The following ARSB variants were observed in gnomAD, a reference collection of about 807,000 sequenced individuals.
ARSB encodes N-acetylgalactosamine-4-sulfatase.
A neutral mutation model predicts 50.9 loss-of-function variants in ARSB; 41 were observed. That is an observed-to-expected ratio of 0.81 (90% CI 0.63 to 1.04). The LOEUF (loss-of-function observed/expected upper bound fraction) is 1.04, where lower values mean the gene tolerates loss of function less well. Among genes scored for constraint, ARSB ranks in the 50% least tolerant of loss-of-function variants. The pLI is 0.00. For synonymous variants in ARSB, 269 were observed against 284.8 expected, an observed-to-expected ratio of 0.94 and a Z score of 0.56; for missense variants, 672 against 693.3, an observed-to-expected ratio of 0.97 and a Z score of 0.35.
Position 78,985,115 on chromosome 5 carries a change from G to C in ARSB, c.134C>G (p.Pro45Arg). 6.7e-7 allele frequency: 1 copy of C among 1,498,450 alleles called. No homozygotes were observed. Among genetic ancestry groups the C allele is most frequent in the Non-Finnish European group, 8.9e-7 (1 of 1,121,926 alleles). 92.8% of individuals were successfully genotyped at this position (1,498,450 alleles called of 1,614,324 possible). Residue 45 changes from proline (P) to arginine (R), a missense_variant, in exon 1 of 8, where the codon CCC becomes CGC. By Grantham distance (103) the Pro-to-Arg change is moderately radical. Transcript: ENST00000264914. ...GTCTGCCAGCAAGAAGACCAGGTGG[G>C]GCGGCCGGCTGGCCCCGGCGCCCGA... ...PGSGAGASRP[P>R]HLVFLLADDL...
At position 78,791,933 on chromosome 5, in the gene ARSB, G is replaced by A. The variant is rs377184349; in HGVS notation, c.1214-9959C>T. On this transcript the variant is annotated intron_variant, in intron 6 of 7. Coordinates refer to ENST00000264914, the MANE Select transcript of ARSB (RefSeq NM_000046.5). Reference sequence around the variant, plus strand: ...CGCAGTGGTATGCCGTATGCCAGGCGTGTCCAATCTTCTGGCTTCCTTGAG... The same window carrying A: ...CGCAGTGGTATGCCGTATGCCAGGCATGTCCAATCTTCTGGCTTCCTTGAG... Among the ~76,000 whole-genome samples, 272 of 152,032 alleles carry A rather than the reference G, an allele frequency of 1.8e-3. 2 individuals carry two copies. Among genetic ancestry groups the A allele is most frequent in the African/African-American group, 6.1e-3 (254 of 41,462 alleles).
chr5:78,835,676 A>T (rs1744918534), intron 6 of ARSB, among the ~76,000 whole-genome samples: 1 of 152,166 alleles, frequency 6.6e-6, no homozygotes, highest in Admixed American at 6.5e-5. Flanking sequence ...TTATCAATGG[A>T]CACACTCCTT....
chr5:78,813,097 C>T lies in ARSB; in HGVS notation c.1213+26259G>A, dbSNP rs191334509. Among the ~76,000 whole-genome samples, 50 of 151,412 alleles carry T rather than the reference C, an allele frequency of 3.3e-4. 1 individual carries two copies. In the East Asian group the frequency reaches 6.2e-3, roughly 19 times the overall value. On this transcript the variant is annotated intron_variant, in intron 6 of 7. Transcript: ENST00000264914. Reference sequence around the variant, plus strand: ...CTTCCTTTCTTTTTTTTTTCTCTTGCTCTGTCACCCAGGCTGGAGTGCAGT... The same window carrying T: ...CTTCCTTTCTTTTTTTTTTCTCTTGTTCTGTCACCCAGGCTGGAGTGCAGT...
chr5:78,858,618 C>G (rs1186790157), intron 5 of ARSB, among the ~76,000 whole-genome samples: 17 of 152,184 alleles, frequency 1.1e-4, no homozygotes, highest in Non-Finnish European at 2.5e-4. Flanking sequence ...TGCTGACCAT[C>G]TGTCATAAAA....
chr5:78,911,625 A>G (rs1166132964), intron 4 of ARSB, among the ~76,000 whole-genome samples: 3 of 147,942 alleles, frequency 2.0e-5, no homozygotes, highest in Admixed American at 1.4e-4. Flanking sequence ...TAACTTGGGC[A>G]ATTAGAAACT....
chr5:78,856,135 A>G (rs894290233), intron 5 of ARSB, among the ~76,000 whole-genome samples: 1 of 151,990 alleles, frequency 6.6e-6, no homozygotes, highest in African/African-American at 2.4e-5. Context: ...TGAAAGGACT[A>G]TTTTTTCCAA....
rs1748205730 is a variant in ARSB, at chr5:78,889,944, TC to T, written c.899-4118del. 2.0e-5 allele frequency among the ~76,000 whole-genome samples: 3 copies of T among 152,262 alleles called. 1 individual carries two copies. In the South Asian group the frequency reaches 6.2e-4, roughly 32 times the overall value. ...TCACAAAAGGAAAAGCAAGGAAGGC[TC>T]TAGCAGCCTCATACCAAGCCTGGAC... On this transcript the variant is annotated intron_variant, in intron 4 of 7. Coordinates refer to ENST00000264914, the MANE Select transcript of ARSB (RefSeq NM_000046.5).
chr5:78,931,382 C>T (rs960723643), intron 4 of ARSB, among the ~76,000 whole-genome samples: 1 of 152,132 alleles, frequency 6.6e-6, no homozygotes, highest in African/African-American at 2.4e-5. Context: ...AAATGTCTAT[C>T]TTGAATCTAT....
chr5:78,965,966 C>T (rs755017843), intron 2 of ARSB, among the ~76,000 whole-genome samples: 2 of 152,172 alleles, frequency 1.3e-5, no homozygotes, highest in East Asian at 1.9e-4. Flanking sequence ...TAATGTGTAA[C>T]AGAGAAAGAA....
chr5:78,888,797 A>G (rs1484058620), intron 4 of ARSB, among the ~76,000 whole-genome samples: 1 of 152,242 alleles, frequency 6.6e-6, no homozygotes, highest in Non-Finnish European at 1.5e-5. Flanking sequence ...GTGTTTCCAC[A>G]TATCATTAGG....
chr5:78,821,413 C>T (rs867846367), intron 6 of ARSB, among the ~76,000 whole-genome samples: 1 of 152,218 alleles, frequency 6.6e-6, no homozygotes, highest in South Asian at 2.1e-4. Context: ...GCTGGGATTA[C>T]AGGCGTGAGC....
At chr5:78,865,732 T>A (rs576282367) in intron 5 of ARSB, among the ~76,000 whole-genome samples, 1 of 152,344 alleles carries the variant, frequency 6.6e-6, no homozygotes, top group Admixed American at 6.5e-5. Context: ...TCTTGAATGC[T>A]TTGCTGCTTA....
At chr5:78,796,931 G>C (rs1399918747) in intron 6 of ARSB, among the ~76,000 whole-genome samples, 1 of 146,956 alleles carries the variant, frequency 6.8e-6, no homozygotes, top group Admixed American at 6.9e-5. Flanking sequence ...AGGCTGGAGT[G>C]CAGTGGCGGG....
intron 2 of ARSB, among the ~76,000 whole-genome samples, chr5:78,965,054 C>T (rs563388760): frequency 5.3e-5 from 8 of 152,272 alleles, no homozygotes; most frequent in Admixed American, 3.9e-4. Flanking sequence ...AGGTTATTTA[C>T]AGAAGTGGTT....
chr5:78,886,374 T>G (rs572855549), intron 4 of ARSB, among the ~76,000 whole-genome samples: 1 of 152,340 alleles, frequency 6.6e-6, no homozygotes, highest in African/African-American at 2.4e-5. Context: ...GTGTGAAAGC[T>G]GAGTATTTCT....
At chr5:78,967,029 G>A (rs1300683403) in intron 2 of ARSB, among the ~76,000 whole-genome samples, 1 of 151,792 alleles carries the variant, frequency 6.6e-6, no homozygotes, top group African/African-American at 2.4e-5. Flanking sequence ...CTTGCATCTT[G>A]ATTTTAACCC....
intron 5 of ARSB, among the ~76,000 whole-genome samples, chr5:78,846,199 C>T (rs373407989): frequency 8.6e-5 from 13 of 151,968 alleles, no homozygotes; most frequent in Admixed American, 6.6e-4. Flanking sequence ...TATACATACA[C>T]GAATTTATTT....
At chr5:78,781,320 TCTC>T (rs368244093) in intron 7 of ARSB, among the ~76,000 whole-genome samples, 24 of 127,398 alleles carry the variant, frequency 1.9e-4, no homozygotes, top group African/African-American at 5.8e-4. Context: ...TCTCTCTCTC[TCTC>T]TTTTTTTTTT....
chr5:78,812,804 G>A (rs975266531), intron 6 of ARSB, among the ~76,000 whole-genome samples: 56 of 152,106 alleles, frequency 3.7e-4, no homozygotes, highest in African/African-American at 1.3e-3. Flanking sequence ...ACCAGCCTGG[G>A]TAACATGGCG....
Sources: allele counts gnomAD v4.1 joint callset (sites outside exome capture counted in the v4.1 genomes callset), GRCh38; gene constraint gnomAD v4.1.1; transcripts MANE v1.5; gene names NCBI Gene and HGNC (gene_info 2026-07-23, HGNC 2026-07-21).